Variants in MPP3 observed in about 807,000 individuals in gnomAD.
MPP3 encodes MAGUK p55 scaffold protein 3.
Under a neutral mutation model 80.7 loss-of-function variants are expected in MPP3, and 48 were observed. The ratio of observed to expected loss-of-function variants is 0.59; its 90% CI spans 0.47 to 0.76. MPP3 has a LOEUF of 0.76. MPP3 is among the 30% of genes least tolerant of loss of function. The probability of loss-of-function intolerance (pLI) is 0.00; values close to 1 mark genes in which losing one functional copy is unlikely to be tolerated. For synonymous variants in MPP3, 311 were observed against 297.6 expected (o/e 1.04, Z -0.46); for missense variants, 620 against 763.0 (o/e 0.81, Z 2.21).
intron 7 of MPP3, among the ~76,000 whole-genome samples, chr17:43,829,127 T>C: frequency 6.6e-6 from 1 of 152,228 alleles, no homozygotes; most frequent in East Asian, 1.9e-4. Flanking sequence ...GATAGCAGTC[T>C]GTCTGCTGGG....
In MPP3 at chr17:43,814,182, C is replaced by T; in HGVS notation, c.1174+15G>A. 6.2e-7 allele frequency: 1 copy of T among 1,611,446 alleles called. No homozygotes were observed. Among genetic ancestry groups the T allele is most frequent in the South Asian group, 1.1e-5 (1 of 90,704 alleles). ...GAAACCAGATCACTTCCTGGAAACCCAGGATGGCACCTACCGATCAGAACC... is the reference window on the plus strand; with the variant it reads ...GAAACCAGATCACTTCCTGGAAACCTAGGATGGCACCTACCGATCAGAACC... On this transcript the variant is annotated intron_variant, in intron 15 of 19. Coordinates refer to ENST00000398389, the MANE Select transcript of MPP3 (RefSeq NM_001932.6).
At chr17:43,826,832 T>TATATATATATATATATATATATATATA (rs1567824060) in intron 8 of MPP3, among the ~76,000 whole-genome samples, 2 of 110,756 alleles carry the variant, frequency 1.8e-5, no homozygotes, top group African/African-American at 7.6e-5. Flanking sequence ...ATATATATAT[T>TATATATATATATATATATATATATATA]TTTTTTTTTT....
At chr17:43,816,266 T>C (rs2045126454) in intron 13 of MPP3, among the ~76,000 whole-genome samples, 187 bp from the exon 14 acceptor site, 1 of 152,182 alleles carries the variant, frequency 6.6e-6, no homozygotes, top group Admixed American at 6.5e-5. Flanking sequence ...CAGTTCTCCA[T>C]GCTTAGGCCC....
chr17:43,815,868 G>A, intron 14 of MPP3, 170 bp downstream of exon 14: 1 of 713,110 alleles, frequency 1.4e-6, no homozygotes, highest in Non-Finnish European at 2.3e-6. Context: ...TGCCTGGGCA[G>A]GCTCAGCTCC....
chr17:43,805,904 T>C (rs1223641173), intron 19 of MPP3, among the ~76,000 whole-genome samples: 1 of 152,210 alleles, frequency 6.6e-6, no homozygotes, highest in South Asian at 2.1e-4. Flanking sequence ...CATCATTGAA[T>C]TGTATGCTTT....
chr17:43,821,036 T>C lies in MPP3; in HGVS notation c.707A>G (p.His236Arg). ...GGCCCGGTCCTCCCGAGGGTTGTAG[T>C]GGAAGAGGGCGCGCATGAACACCTG... ...ESKVFMRALFHYNPREDRAIP... is the reference protein window; with the variant it reads ...ESKVFMRALFRYNPREDRAIP... The change falls in exon 11 of 20, where the codon CAC becomes CGC. Residue 236 changes from histidine (H) to arginine (R), a missense_variant. By Grantham distance (29) the His-to-Arg change is conservative. Transcript: ENST00000398389. 1 of 1,613,914 alleles carries C rather than the reference T, an allele frequency of 6.2e-7. No homozygotes were observed. Among genetic ancestry groups the C allele is most frequent in the East Asian group, 2.2e-5 (1 of 44,878 alleles).
At chr17:43,811,344 G>A (rs1697337027) in intron 16 of MPP3, 139 bp from the exon 17 acceptor site, 3 of 658,594 alleles carry the variant, frequency 4.6e-6, no homozygotes, top group African/African-American at 1.8e-5. Flanking sequence ...GCATGTCCCT[G>A]TATCAGGCAC....
chr17:43,820,841 C>T (rs766667958), intron 11 of MPP3, 21 bp downstream of exon 11: 1 of 1,612,910 alleles, frequency 6.2e-7, no homozygotes, highest in Non-Finnish European at 8.5e-7. Context: ...ACCAGCCCTT[C>T]ACAACATACC....
intron 14 of MPP3, 70 bp from the exon 15 acceptor site, chr17:43,814,431 T>C: frequency 6.7e-7 from 1 of 1,496,160 alleles, no homozygotes; most frequent in Non-Finnish European, 8.9e-7. Context: ...AGTAGAGACT[T>C]TTCCCACCTG....
At chr17:43,805,903 A>G (rs1326638021) in intron 19 of MPP3, among the ~76,000 whole-genome samples, 1 of 152,236 alleles carries the variant, frequency 6.6e-6, no homozygotes, top group Non-Finnish European at 1.5e-5. Flanking sequence ...ACATCATTGA[A>G]TTGTATGCTT....
At position 43,832,770 on chromosome 17, in the gene MPP3, G is replaced by C. The variant is rs2046032306; in HGVS notation, c.-47C>G. 1 of 152,376 alleles carries C rather than the reference G, an allele frequency of 6.6e-6. No individual in the cohort carries two copies. Among genetic ancestry groups the C allele is most frequent in the Admixed American group, 6.5e-5 (1 of 15,272 alleles). 9.4% of individuals were successfully genotyped at this position (152,376 alleles called of 1,614,324 possible). A position where few individuals can be genotyped will look rare whatever the true frequency, so the allele number is the denominator to read the frequency against. On this transcript the variant is annotated 5_prime_UTR_variant, in exon 2 of 20. Coordinates refer to ENST00000398389, the MANE Select transcript of MPP3 (RefSeq NM_001932.6). ...GCCACGCCGGACTCACCCTCGGGCTGCTCCCCGCAGGAGGCCGAGCACCGA... is the reference window on the plus strand; with the variant it reads ...GCCACGCCGGACTCACCCTCGGGCTCCTCCCCGCAGGAGGCCGAGCACCGA...
chr17:43,832,483 A>G (rs72836553), intron 2 of MPP3, among the ~76,000 whole-genome samples: 22,724 of 152,100 alleles, frequency 0.15, 2,216 homozygotes, highest in Non-Finnish European at 0.21. Flanking sequence ...GAGCCTCCAG[A>G]CTGGAGTGCA....
At chr17:43,811,395 A>AT in intron 16 of MPP3, 190 bp from the exon 17 acceptor site, 1 of 582,332 alleles carries the variant, frequency 1.7e-6, no homozygotes, top group East Asian at 2.9e-5. Context: ...TCACACAACA[A>AT]CTCTTTGATG....
intron 7 of MPP3, among the ~76,000 whole-genome samples, chr17:43,828,652 G>A (rs1348820188): frequency 2.0e-5 from 3 of 152,236 alleles, no homozygotes; most frequent in Non-Finnish European, 2.9e-5. Flanking sequence ...ATTAGTGGCT[G>A]TAACTGCAAA....
At position 43,826,832 on chromosome 17, in the gene MPP3, T is replaced by TATATATATATATA. The variant is rs1567824060; in HGVS notation, c.523+918_523+919insTATATATATATAT. On this transcript the variant is annotated intron_variant, in intron 8 of 19. Transcript: ENST00000398389. Reference sequence around the variant, plus strand: ...CATGACTATTTATATATATATATATTTTTTTTTTTTTTCTTTTTTTTTTGA... The same window carrying TATATATATATATA: ...CATGACTATTTATATATATATATATTATATATATATATATTTTTTTTTTTTCTTTTTTTTTTGA... 5.6e-3 allele frequency among the ~76,000 whole-genome samples: 618 copies of TATATATATATATA among 110,634 alleles called. 6 individuals carry two copies. The highest frequency in any genetic ancestry group is 0.023 in the African/African-American group (596 of 26,126). 72.6% of individuals were successfully genotyped at this position (110,634 alleles called of 152,430 possible). A position where few individuals can be genotyped will look rare whatever the true frequency, so the allele number is the denominator to read the frequency against.
intron 18 of MPP3, among the ~76,000 whole-genome samples, chr17:43,810,409 C>T (rs953239241): frequency 6.6e-6 from 1 of 152,164 alleles, no homozygotes; most frequent in Admixed American, 6.5e-5. Context: ...AAGCCACTGA[C>T]TCCACCTGCC....
At position 43,815,628 on chromosome 17, in the gene MPP3, A is replaced by G. The variant is rs192167850; in HGVS notation, c.1009+410T>C. The G allele has an allele frequency of 4.8e-5, 15 of 315,256 alleles. No individual in the cohort carries two copies. The East Asian group carries it at 1.3e-3, about 28-fold the overall frequency. 19.5% of individuals were successfully genotyped at this position (315,256 alleles called of 1,614,324 possible). A position where few individuals can be genotyped will look rare whatever the true frequency, so the allele number is the denominator to read the frequency against. Reference sequence around the variant, plus strand: ...CTCTAAAAAATAACCAAAAAACAAAAAAAACTTTTTGCCTATCTCTAAGAC... The same window carrying G: ...CTCTAAAAAATAACCAAAAAACAAAGAAAACTTTTTGCCTATCTCTAAGAC... On this transcript the variant is annotated intron_variant, in intron 14 of 19. Coordinates refer to ENST00000398389, the MANE Select transcript of MPP3 (RefSeq NM_001932.6).
intron 18 of MPP3, among the ~76,000 whole-genome samples, chr17:43,810,264 AAGC>A (rs2044792192): frequency 6.6e-6 from 1 of 152,200 alleles, no homozygotes; most frequent in Non-Finnish European, 1.5e-5. Flanking sequence ...AAAGATGGTT[AAGC>A]CCCTGCTGAG....
chr17:43,804,346 A>T (rs2044529346), intron 19 of MPP3, among the ~76,000 whole-genome samples: 1 of 152,250 alleles, frequency 6.6e-6, no homozygotes. Context: ...AAGAATAGAC[A>T]TGTAGACCAA....
Sources: gnomAD v4.1 joint callset for allele counts (sites outside exome capture counted in the v4.1 genomes callset) on GRCh38, gnomAD v4.1.1 for gene constraint, MANE v1.5 for transcripts, NCBI Gene and HGNC (gene_info 2026-07-23, HGNC 2026-07-21) for gene names.